Variants in RASA2 observed in about 807,000 individuals in gnomAD.
The protein encoded by RASA2 is ras GTPase-activating protein 2.
In RASA2, 155 loss-of-function variants were observed where a neutral mutation model predicts 118.2. That is an observed-to-expected ratio of 1.31 (90% CI 1.15 to 1.50). The LOEUF is 1.50. RASA2 is among the 40% of genes most tolerant of loss of function. The probability of loss-of-function intolerance (pLI) is 0.00; values close to 1 mark genes in which losing one functional copy is unlikely to be tolerated. For missense variants in RASA2, 1,016 were observed against 1,009.6 expected (o/e 1.01, Z -0.09); for synonymous variants, 353 against 349.1 (o/e 1.01, Z -0.12).
chr3:141,609,848 T>A, intron 22 of RASA2, 29 bp from the exon 23 acceptor site: 1 of 1,507,038 alleles, frequency 6.6e-7, no homozygotes, highest in Non-Finnish European at 8.8e-7. Context: ...AGTTGTCTGA[T>A]CAGAGATTTA....
intron 3 of RASA2, among the ~76,000 whole-genome samples, chr3:141,519,272 A>G (rs978048097): frequency 6.6e-6 from 1 of 152,290 alleles, no homozygotes; most frequent in South Asian, 2.1e-4. Context: ...CCATTCTTGC[A>G]TATTATCATT....
chr3:141,606,085 G>A (rs112875231), intron 19 of RASA2, among the ~76,000 whole-genome samples: 40 of 152,274 alleles, frequency 2.6e-4, no homozygotes, highest in African/African-American at 4.8e-4. Flanking sequence ...GCAACTCACC[G>A]ATTAATCATC....
At chr3:141,504,179 C>T (rs2081827836) in intron 1 of RASA2, among the ~76,000 whole-genome samples, 1 of 152,180 alleles carries the variant, frequency 6.6e-6, no homozygotes, top group South Asian at 2.1e-4. Context: ...CTCATCTTTA[C>T]CACCTCAAAA....
chr3:141,571,281 G>T (rs1044634355), intron 10 of RASA2, 125 bp from the exon 11 acceptor site: 1 of 1,406,742 alleles, frequency 7.1e-7, no homozygotes, highest in Non-Finnish European at 9.6e-7. Context: ...AAAAAATTTC[G>T]AAAATTAAAT....
chr3:141,498,403 A>G (rs559995570), intron 1 of RASA2, among the ~76,000 whole-genome samples: 8 of 152,346 alleles, frequency 5.3e-5, no homozygotes, highest in African/African-American at 4.8e-5. Context: ...TAAATTGGCT[A>G]TGGTCTAATG....
intron 8 of RASA2, 38 bp downstream of exon 8, chr3:141,559,000 A>G: frequency 2.7e-6 from 4 of 1,500,582 alleles, no homozygotes; most frequent in Non-Finnish European, 3.7e-6. Context: ...GCTTTTTTGT[A>G]TACCAAAAGA....
chr3:141,504,382 T>G (rs1351145776), intron 1 of RASA2, among the ~76,000 whole-genome samples: 1 of 152,206 alleles, frequency 6.6e-6, no homozygotes, highest in Non-Finnish European at 1.5e-5. Context: ...AGATTTAATA[T>G]TCAATACAGT....
chr3:141,508,327 G>C (rs917372070), intron 1 of RASA2, among the ~76,000 whole-genome samples: 1 of 152,016 alleles, frequency 6.6e-6, no homozygotes, highest in Non-Finnish European at 1.5e-5. Context: ...AATAAGGTGG[G>C]ACTGAAAAGC....
At chr3:141,534,528 C>G (rs1307620393) in intron 4 of RASA2, among the ~76,000 whole-genome samples, 1 of 151,902 alleles carries the variant, frequency 6.6e-6, no homozygotes, top group Non-Finnish European at 1.5e-5. Flanking sequence ...GTTAATAGGT[C>G]TTTACCAACA....
At chr3:141,499,196 A>C (rs1482206752) in intron 1 of RASA2, among the ~76,000 whole-genome samples, 1 of 152,154 alleles carries the variant, frequency 6.6e-6, no homozygotes, top group Non-Finnish European at 1.5e-5. Flanking sequence ...CCATGCAGCA[A>C]CTAGCCCCGA....
rs1259767588 is a variant in RASA2 at position 141,538,923 on chromosome 3, T to A, written c.451-1610T>A. The stretch of plus-strand genomic sequence containing the variant: ...ATGATTATCTTTTTCTACTCTATTG[T>A]CATAGTTTTTATTTCTTAGAACTGG... On this transcript the variant is annotated intron_variant, in intron 4 of 23. Transcript: ENST00000286364. Among the ~76,000 whole-genome samples the A allele has an allele frequency of 2.0e-5, 3 of 152,230 alleles. No homozygotes were observed. The East Asian group carries it at 5.8e-4, about 29-fold the overall frequency.
chr3:141,558,057 A>G (rs2082674978), intron 7 of RASA2, among the ~76,000 whole-genome samples: 1 of 152,174 alleles, frequency 6.6e-6, no homozygotes, highest in South Asian at 2.1e-4. Flanking sequence ...GAATAGAGGT[A>G]TACAATACAG....
chr3:141,525,030 G>A (rs1306880891), intron 3 of RASA2: 1 of 151,998 alleles, frequency 6.6e-6, no homozygotes, highest in African/African-American at 2.4e-5. Context: ...GGGTCCCAAG[G>A]GTAACACAGT....
intron 2 of RASA2, among the ~76,000 whole-genome samples, chr3:141,515,176 T>G (rs1577666454): frequency 6.6e-6 from 1 of 152,234 alleles, no homozygotes; most frequent in East Asian, 1.9e-4. Context: ...AAAAATACCT[T>G]GTTTTAATTT....
At chr3:141,496,744 G>T (rs1446532339) in intron 1 of RASA2, among the ~76,000 whole-genome samples, 6 of 152,196 alleles carry the variant, frequency 3.9e-5, no homozygotes, top group Non-Finnish European at 7.3e-5. Flanking sequence ...AACTGTTGTG[G>T]AAGTCAGTGT....
Position 141,610,008 on chromosome 3 carries a change from G to A in RASA2, c.2461G>A (p.Asp821Asn), listed in dbSNP as rs1014178401. The A allele has an allele frequency of 1.2e-6, 2 of 1,604,720 alleles. No individual in the cohort carries two copies. The highest frequency in any genetic ancestry group is 1.7e-6 in the Non-Finnish European group (2 of 1,175,816). ...QQIKSIIEKL[D>N]EPHEKYRKKR... ...AATAAAAAGCATAATTGAGAAGCTG[G>A]ATGAACCTCATGAAAAATATAGGAA... Residue 821 changes from aspartate to asparagine, a missense_variant, in exon 23 of 24, where the codon GAT (aspartate) becomes AAT (asparagine). Physicochemically the swap from Asp to Asn is conservative, Grantham distance 23. Coordinates refer to ENST00000286364, the MANE Select transcript of RASA2 (RefSeq NM_006506.5).
intron 15 of RASA2, among the ~76,000 whole-genome samples, chr3:141,578,248 T>C (rs955928436): frequency 6.6e-6 from 1 of 152,338 alleles, no homozygotes; most frequent in Non-Finnish European, 1.5e-5. Context: ...TCGATTTGAA[T>C]TGGATTTAAC....
chr3:141,603,890 T>G (rs1019021337), intron 19 of RASA2, among the ~76,000 whole-genome samples: 1 of 152,262 alleles, frequency 6.6e-6, no homozygotes, highest in African/African-American at 2.4e-5. Flanking sequence ...TTTTGGAGGT[T>G]CATTCATGTT....
chr3:141,594,840 A>G (rs1214822847), intron 19 of RASA2, among the ~76,000 whole-genome samples: 26 of 152,042 alleles, frequency 1.7e-4, no homozygotes, highest in Admixed American at 1.7e-3. Context: ...AGCACTGGAA[A>G]TGGTAAATAT....
Sources: gnomAD v4.1 joint callset for allele counts (sites outside exome capture counted in the v4.1 genomes callset) on GRCh38, gnomAD v4.1.1 for gene constraint, MANE v1.5 for transcripts, NCBI Gene and HGNC (gene_info 2026-07-23, HGNC 2026-07-21) for gene names.